Variants in GAS6 observed in about 807,000 individuals in gnomAD.
The protein encoded by GAS6 is growth arrest specific 6, also known as growth arrest-specific protein 6.
GAS6 carries 41 observed loss-of-function variants against 75.8 expected under a neutral mutation model. That is an observed-to-expected ratio of 0.54 (90% CI 0.42 to 0.70). The LOEUF (loss-of-function observed/expected upper bound fraction) is 0.70. Among genes scored for constraint, GAS6 ranks in the 30% least tolerant of loss-of-function variants. GAS6 has a pLI of 0.00. For synonymous variants in GAS6, 432 were observed against 412.6 expected (o/e 1.05, Z -0.57); for missense variants, 854 against 940.2 (o/e 0.91, Z 1.20).
chr13:113,825,737 C>T (rs560162051), intron 12 of GAS6, among the ~76,000 whole-genome samples: 78 of 152,362 alleles, frequency 5.1e-4, no homozygotes, highest in African/African-American at 1.8e-3. Flanking sequence ...AGGGAGAACG[C>T]GTGTGCACAG....
intron 2 of GAS6, among the ~76,000 whole-genome samples, chr13:113,861,869 C>A (rs564110920): frequency 6.6e-6 from 1 of 152,218 alleles, no homozygotes; most frequent in Admixed American, 6.5e-5. Context: ...ACGCTGGGAA[C>A]TGAGATGACG....
rs906102373 is a variant in GAS6, at chr13:113,821,038, C to T, written c.1883-20G>A. 6.2e-7 allele frequency: 1 copy of T among 1,610,318 alleles called. No individual in the cohort carries two copies. The highest frequency in any genetic ancestry group is 8.5e-7 in the Non-Finnish European group (1 of 1,178,416). ...GCACATCTGGGCCGCAGGGAGAGAA[C>T]AACATATCTTAGCTCACCACGTGGC... On this transcript the variant is annotated intron_variant, in intron 14 of 14. Coordinates refer to ENST00000327773, the MANE Select transcript of GAS6 (RefSeq NM_000820.4).
At chr13:113,835,330 G>A (rs1040589840) in intron 7 of GAS6, among the ~76,000 whole-genome samples, 183 bp downstream of exon 7, 1 of 152,232 alleles carries the variant, frequency 6.6e-6, no homozygotes, top group East Asian at 1.9e-4. Flanking sequence ...GTGCCTGTGT[G>A]TGCTCACGTG....
chr13:113,821,892 T>C, intron 14 of GAS6, 66 bp downstream of exon 14: 1 of 1,298,994 alleles, frequency 7.7e-7, no homozygotes, highest in East Asian at 2.6e-5. Flanking sequence ...AGGTTAGATC[T>C]GGGGTGACCA....
rs376538659 is a variant in GAS6 at position 113,838,165 on chromosome 13, C to T, written c.493G>A (p.Gly165Arg). 10 of 1,612,766 alleles carry T rather than the reference C, an allele frequency of 6.2e-6. No homozygotes were observed. Among genetic ancestry groups the T allele is most frequent in the African/African-American group, 4.0e-5 (3 of 74,918 alleles). ...TTGTGGCAGATCTGGAGGCAGCCCC[C>T]GTTCTCCTGGCTGCATTCGTTGACA... is the stretch of plus-strand genomic sequence containing the variant. ...KDVNECSQENGGCLQICHNKP... is the reference protein window; with the variant it reads ...KDVNECSQENRGCLQICHNKP... Residue 165 changes from glycine to arginine, a missense_variant, in exon 6 of 15, where the codon GGG becomes AGG. By Grantham distance (125) the Gly-to-Arg change is moderately radical. Transcript: ENST00000327773.
chr13:113,825,556 G>A (rs904852455), intron 12 of GAS6, among the ~76,000 whole-genome samples: 4 of 152,210 alleles, frequency 2.6e-5, no homozygotes, highest in Admixed American at 6.5e-5. Context: ...AAAAAGGGCC[G>A]GCAGACGCGG....
chr13:113,834,759 C>A, intron 7 of GAS6, 87 bp from the exon 8 acceptor site: 1 of 1,291,322 alleles, frequency 7.7e-7, no homozygotes, highest in Non-Finnish European at 1.0e-6. Context: ...TCAAACCACA[C>A]GCAAGGTGCG....
At chr13:113,846,478 C>T (rs376403156) in intron 4 of GAS6, 49 bp downstream of exon 4, 10 of 1,554,196 alleles carry the variant, frequency 6.4e-6, no homozygotes, top group East Asian at 4.5e-5. Context: ...AGCCTAAAGC[C>T]GCCCAAACCC....
intron 6 of GAS6, 131 bp from the exon 7 acceptor site, chr13:113,835,766 T>G: frequency 2.0e-6 from 3 of 1,475,724 alleles, no homozygotes; most frequent in Non-Finnish European, 2.7e-6. Context: ...CAGCGCGCCC[T>G]GGCCCCATTT....
In GAS6 at chr13:113,840,066, C is replaced by CAG. The variant is rs2051760110; in HGVS notation, c.344-218_344-217dup. On this transcript the variant is annotated intron_variant, in intron 4 of 14. Transcript: ENST00000327773. ...CCCTGGGGCCGGCTCCAGGAAAACT[C>CAG]AGATCAACTGGGAGGGAGTGCCAGC... The CAG allele has an allele frequency of 2.3e-5, 14 of 598,584 alleles. 1 individual carries two copies. The East Asian group carries it at 4.4e-4, about 19-fold the overall frequency. The allele number at this position is 598,584 out of a possible 1,614,324, so 37.1% of individuals were successfully genotyped here.
chr13:113,862,575 C>T (rs2138670658), intron 2 of GAS6, among the ~76,000 whole-genome samples: 1 of 152,316 alleles, frequency 6.6e-6, no homozygotes, highest in South Asian at 2.1e-4. Flanking sequence ...GGGCAACAGC[C>T]CCAGGTGCGT....
At chr13:113,826,033 G>C (rs564464719) in intron 12 of GAS6, among the ~76,000 whole-genome samples, 1 of 152,182 alleles carries the variant, frequency 6.6e-6, no homozygotes, top group Admixed American at 6.5e-5. Flanking sequence ...TGGTGCCCCA[G>C]TGGGGCCCAC....
intron 4 of GAS6, chr13:113,843,390 C>A (rs148383732): frequency 6.6e-6 from 1 of 151,364 alleles, no homozygotes; most frequent in Non-Finnish European, 1.5e-5. Context: ...TGGGTGGTGA[C>A]GAGCGAGGAC....
At chr13:113,825,489 T>C (rs7399539) in intron 12 of GAS6, among the ~76,000 whole-genome samples, 21,142 of 152,132 alleles carry the variant, frequency 0.14, 1,668 homozygotes, top group South Asian at 0.36. Context: ...GTTACTGGTA[T>C]AGTTTGAGAT....
chr13:113,827,371 T>C (rs1194404413), intron 11 of GAS6, among the ~76,000 whole-genome samples: 1 of 152,244 alleles, frequency 6.6e-6, no homozygotes, highest in Non-Finnish European at 1.5e-5. Context: ...CACTGGTGTA[T>C]GCTCAAGAAC....
intron 13 of GAS6, 73 bp from the exon 14 acceptor site, chr13:113,822,259 C>G (rs537195128): frequency 1.2e-4 from 150 of 1,209,618 alleles, no homozygotes; most frequent in Non-Finnish European, 1.7e-4. Flanking sequence ...AGCTGGTCCT[C>G]ACAGCTGCTG....
intron 2 of GAS6, among the ~76,000 whole-genome samples, chr13:113,858,384 TGTCA>T (rs1343672506): frequency 3.3e-5 from 5 of 151,868 alleles, no homozygotes; most frequent in African/African-American, 9.7e-5. Context: ...TGTGCATGTC[TGTCA>T]GTGTGTGTGA....
In GAS6 at chr13:113,831,020, G is replaced by A. The variant is rs185620508; in HGVS notation, c.1143+1279C>T. ...GGAAATACAAGTCTACAATGTTTCT[G>A]AAGGGCAAGACGTGCTTTCCACCTT... On this transcript the variant is annotated intron_variant, in intron 10 of 14. Coordinates refer to ENST00000327773, the MANE Select transcript of GAS6 (RefSeq NM_000820.4). Among the ~76,000 whole-genome samples the A allele has an allele frequency of 1.6e-3, 241 of 152,390 alleles. 1 individual carries two copies. The highest frequency in any genetic ancestry group is 5.6e-3 in the African/African-American group (234 of 41,604).
rs1032330817 is a variant in GAS6 at position 113,820,632 on chromosome 13, T to C, written c.*232A>G. The C allele has an allele frequency of 1.3e-4, 66 of 498,896 alleles. No individual in the cohort carries two copies. Among genetic ancestry groups the C allele is most frequent in the Non-Finnish European group, 2.3e-4 (64 of 280,312 alleles). The allele number at this position is 498,896 out of a possible 1,614,324, so 30.9% of individuals were successfully genotyped here. On this transcript the variant is annotated 3_prime_UTR_variant, in exon 15 of 15. Coordinates refer to ENST00000327773, the MANE Select transcript of GAS6 (RefSeq NM_000820.4). Reference sequence around the variant, plus strand: ...TGGTAATAAAAATAATAGAGAATTATTTTCTTCGAGCCCGCTCTGCGCTGC... The same window carrying C: ...TGGTAATAAAAATAATAGAGAATTACTTTCTTCGAGCCCGCTCTGCGCTGC...
Sources: allele counts gnomAD v4.1 joint callset (sites outside exome capture counted in the v4.1 genomes callset), GRCh38; gene constraint gnomAD v4.1.1; transcripts MANE v1.5; gene names NCBI Gene and HGNC (gene_info 2026-07-23, HGNC 2026-07-21).